SLC41A3: variants seen among roughly 807,000 people sequenced by gnomAD.
The protein encoded by SLC41A3 is SLC41A1-like 2.
SLC41A3 carries 44 observed loss-of-function variants against 45.4 expected under a neutral mutation model. That is an observed-to-expected ratio of 0.97 (90% CI 0.76 to 1.25). The LOEUF (loss-of-function observed/expected upper bound fraction) is 1.25, where lower values mean the gene tolerates loss of function less well. Among genes scored for constraint, SLC41A3 ranks in the 50% most tolerant of loss-of-function variants. The pLI is 0.00. For missense variants in SLC41A3, 550 were observed against 600.6 expected (o/e 0.92, Z 0.88); for synonymous variants, 256 against 252.4 (o/e 1.01, Z -0.13).
At chr3:126,072,287 G>A (rs1291354260) in intron 1 of SLC41A3, among the ~76,000 whole-genome samples, 1 of 150,058 alleles carries the variant, frequency 6.7e-6, no homozygotes, top group African/African-American at 2.5e-5. Context: ...AAGATAAAGA[G>A]GAGCAAACTA....
intron 6 of SLC41A3, among the ~76,000 whole-genome samples, chr3:126,019,770 C>G (rs1031750207): frequency 1.3e-5 from 2 of 152,110 alleles, no homozygotes; most frequent in Non-Finnish European, 2.9e-5. Context: ...CCTCTGAGAT[C>G]CCCCTACCTC....
rs760662885 is a variant in SLC41A3, at chr3:126,015,583, T to C, written c.891-10A>G. On this transcript the variant is annotated splice_polypyrimidine_tract_variant and intron_variant, in intron 7 of 10. Transcript: ENST00000360370. ...GATGAGTCCTCCGAAACTGGGGAAA[T>C]AGCAGACAGCAGTCAAGTTATCAGA... 1.5e-5 allele frequency: 24 copies of C among 1,613,928 alleles called. No homozygotes were observed. Among genetic ancestry groups the C allele is most frequent in the Non-Finnish European group, 2.0e-5 (24 of 1,179,870 alleles).
chr3:126,010,177 A>C (rs1249282800), intron 9 of SLC41A3, among the ~76,000 whole-genome samples: 1 of 152,240 alleles, frequency 6.6e-6, no homozygotes, highest in Non-Finnish European at 1.5e-5. Flanking sequence ...ACAAATAGAC[A>C]AAAAACACTC....
chr3:126,019,315 CT>C (rs1480831008), intron 6 of SLC41A3, among the ~76,000 whole-genome samples: 1 of 152,182 alleles, frequency 6.6e-6, no homozygotes, highest in Non-Finnish European at 1.5e-5. Flanking sequence ...GGGCAGAGCC[CT>C]TATGACCCAA....
At chr3:126,095,807 G>T (rs1945588552) in intron 1 of SLC41A3, among the ~76,000 whole-genome samples, 1 of 152,188 alleles carries the variant, frequency 6.6e-6, no homozygotes, top group South Asian at 2.1e-4. Context: ...TATTTAGCTT[G>T]AATTGCACCT....
chr3:126,014,034 G>A (rs1940003109), intron 8 of SLC41A3, among the ~76,000 whole-genome samples: 1 of 152,162 alleles, frequency 6.6e-6, no homozygotes, highest in Non-Finnish European at 1.5e-5. Flanking sequence ...AGGCCATGCT[G>A]AGCATTCCTT....
In SLC41A3 at chr3:126,068,079, G is replaced by C. The variant is rs142041472; in HGVS notation, c.141C>G (p.Ser47Arg). 7 of 1,613,664 alleles carry C rather than the reference G, an allele frequency of 4.3e-6. No individual in the cohort carries two copies. The African/African-American group carries it at 9.4e-5, about 22-fold the overall frequency. ...CAGTCTCCAGTGGCTTGGGGGTCACGCTTTGGCTCTCAGGGGCCCTGAGAG... is the reference window on the plus strand; with the variant it reads ...CAGTCTCCAGTGGCTTGGGGGTCACCCTTTGGCTCTCAGGGGCCCTGAGAG... ...DGALRAPESQ[S>R]VTPKPLETEP... The change falls in exon 2 of 11, where the codon AGC (serine) becomes AGG (arginine). Residue 47 changes from serine (S) to arginine (R), a missense_variant. Ser to Arg is a moderately radical substitution (Grantham distance 110). Transcript: ENST00000360370.
At chr3:126,033,753 G>A in intron 3 of SLC41A3, 75 bp from the exon 4 acceptor site, 1 of 1,441,716 alleles carries the variant, frequency 6.9e-7, no homozygotes, top group Non-Finnish European at 9.6e-7. Flanking sequence ...GGGAAAGGCA[G>A]TCTCTCAGGG....
chr3:126,019,272 T>C (rs1316004715), intron 6 of SLC41A3, among the ~76,000 whole-genome samples: 2 of 152,182 alleles, frequency 1.3e-5, no homozygotes, highest in Non-Finnish European at 2.9e-5. Context: ...GCCATTAATC[T>C]ATTAATCCAT....
chr3:126,055,539 A>G (rs1426553556), intron 2 of SLC41A3, among the ~76,000 whole-genome samples: 3 of 152,216 alleles, frequency 2.0e-5, no homozygotes, highest in Non-Finnish European at 4.4e-5. Context: ...AAAACTGCAT[A>G]CTATAAACCA....
At chr3:126,095,711 T>C (rs1339016597) in intron 1 of SLC41A3, among the ~76,000 whole-genome samples, 1 of 152,232 alleles carries the variant, frequency 6.6e-6, no homozygotes, top group African/African-American at 2.4e-5. Flanking sequence ...TGAACGTACT[T>C]GTTTAGGAAG....
chr3:126,024,883 T>A (rs1262897005), intron 5 of SLC41A3: 2 of 152,180 alleles, frequency 1.3e-5, no homozygotes, highest in African/African-American at 4.8e-5. Flanking sequence ...ACCAAAAGGC[T>A]CTGTTCCCAT....
intron 3 of SLC41A3, among the ~76,000 whole-genome samples, chr3:126,039,354 T>A (rs1942426358): frequency 6.6e-6 from 1 of 152,234 alleles, no homozygotes; most frequent in Non-Finnish European, 1.5e-5. Flanking sequence ...TAGCCACAGC[T>A]CCTGAATCTC....
At position 126,037,878 on chromosome 3, in the gene SLC41A3, C is replaced by T. The variant is rs141791995; in HGVS notation, c.382-4200G>A. On this transcript the variant is annotated intron_variant, in intron 3 of 10. Coordinates refer to ENST00000360370, the MANE Select transcript of SLC41A3 (RefSeq NM_017836.4). ...TGAGGCAGCCCCTCCCATCACAGGT[C>T]CAGTGGCTTAGGAGGAAAGAATGGT... is the stretch of plus-strand genomic sequence containing the variant. Among the ~76,000 whole-genome samples, 384 of 152,216 alleles carry T rather than the reference C, an allele frequency of 2.5e-3. 11 individuals carry two copies. In the East Asian group the frequency reaches 0.061, roughly 24 times the overall value.
At chr3:126,045,965 T>C (rs1327758151) in intron 3 of SLC41A3, among the ~76,000 whole-genome samples, 1 of 150,688 alleles carries the variant, frequency 6.6e-6, no homozygotes. Context: ...CAAAAATCAA[T>C]CAATCCATGT....
At chr3:126,078,011 A>C (rs1445333869) in intron 1 of SLC41A3, among the ~76,000 whole-genome samples, 1 of 152,110 alleles carries the variant, frequency 6.6e-6, no homozygotes, top group Non-Finnish European at 1.5e-5. Context: ...AGAGGCAATA[A>C]ACAGAGATGG....
chr3:126,014,658 T>C (rs1940084408), intron 8 of SLC41A3, among the ~76,000 whole-genome samples: 1 of 152,172 alleles, frequency 6.6e-6, no homozygotes, highest in Non-Finnish European at 1.5e-5. Context: ...AAAGACATGG[T>C]CCCCTAAGGG....
chr3:126,021,108 A>C (rs936331184), intron 6 of SLC41A3, among the ~76,000 whole-genome samples: 2 of 152,104 alleles, frequency 1.3e-5, no homozygotes, highest in Non-Finnish European at 1.5e-5. Context: ...GTTAGCCAGG[A>C]TGGTCTTGAT....
At chr3:126,008,656 T>A in intron 10 of SLC41A3, 76 bp downstream of exon 10, 4 of 1,551,342 alleles carry the variant, frequency 2.6e-6, no homozygotes, top group African/African-American at 2.7e-5. Context: ...TCCCTCAGCC[T>A]CTCACTCAGA....
Sources: gnomAD v4.1 joint callset for allele counts (sites outside exome capture counted in the v4.1 genomes callset) on GRCh38, gnomAD v4.1.1 for gene constraint, MANE v1.5 for transcripts, NCBI Gene and HGNC (gene_info 2026-07-23, HGNC 2026-07-21) for gene names.